The following CDK14 variants were observed in gnomAD, a reference collection of about 807,000 sequenced individuals.
CDK14 encodes cyclin-dependent kinase 14.
In CDK14, 34 loss-of-function variants were observed where a neutral mutation model predicts 60.7. The observed-to-expected ratio is 0.56, with a 90% CI of 0.43 to 0.75. The LOEUF (loss-of-function observed/expected upper bound fraction) is 0.75, where lower values mean the gene tolerates loss of function less well. Ranked by LOEUF, CDK14 falls within the 30% of genes least tolerant of loss-of-function variation. The pLI, the probability that CDK14 is intolerant of heterozygous loss-of-function variation, is 0.00. For missense variants in CDK14, 482 were observed against 564.1 expected (o/e 0.85, Z 1.47); for synonymous variants, 197 against 203.7 (o/e 0.97, Z 0.28).
At chr7:90,808,566 CA>C (rs1157659045) in intron 5 of CDK14, among the ~76,000 whole-genome samples, 8 of 152,216 alleles carry the variant, frequency 5.3e-5, no homozygotes, top group Admixed American at 1.3e-4. Flanking sequence ...AACTAACGAG[CA>C]AAATAACCAG....
intron 2 of CDK14, among the ~76,000 whole-genome samples, chr7:90,697,391 T>G (rs1801682043): frequency 6.6e-6 from 1 of 152,186 alleles, no homozygotes; most frequent in Admixed American, 6.5e-5. Flanking sequence ...AGATGGGGTC[T>G]TGCTGTGTTG....
In CDK14 at chr7:90,808,246, A is replaced by T. The variant is rs935317480; in HGVS notation, c.544+17594A>T. Among the ~76,000 whole-genome samples, 4 of 152,258 alleles carry T rather than the reference A, an allele frequency of 2.6e-5. No individual in the cohort carries two copies. The East Asian group carries it at 5.8e-4, about 22-fold the overall frequency. On this transcript the variant is annotated intron_variant, in intron 5 of 14. Transcript: ENST00000380050. ...TTGGGTTACCCACAAAGGGAAGCCCATCAGACTAACAGTGGATCTCTTGGC... is the reference window on the plus strand; with the variant it reads ...TTGGGTTACCCACAAAGGGAAGCCCTTCAGACTAACAGTGGATCTCTTGGC...
At chr7:90,917,790 C>T (rs928189479) in intron 8 of CDK14, 66 bp downstream of exon 8, 14 of 1,527,134 alleles carry the variant, frequency 9.2e-6, no homozygotes, top group Non-Finnish European at 9.9e-6. Context: ...GATGGTGGCA[C>T]TGCATTTGTT....
intron 2 of CDK14, among the ~76,000 whole-genome samples, chr7:90,638,430 T>G (rs1445002792): frequency 6.6e-6 from 1 of 152,108 alleles, no homozygotes. Flanking sequence ...GTTGAAAATT[T>G]TTTTCTTTAA....
chr7:90,824,222 T>C (rs546186895), intron 5 of CDK14, among the ~76,000 whole-genome samples: 1 of 149,128 alleles, frequency 6.7e-6, no homozygotes, highest in Non-Finnish European at 1.5e-5. Context: ...TTTACATGTG[T>C]TATATCCTCT....
At chr7:91,012,440 T>C (rs1428449363) in intron 10 of CDK14, among the ~76,000 whole-genome samples, 1 of 152,196 alleles carries the variant, frequency 6.6e-6, no homozygotes, top group Non-Finnish European at 1.5e-5. Flanking sequence ...TTCTCCTCTT[T>C]GATCCTCTGC....
intron 14 of CDK14, among the ~76,000 whole-genome samples, chr7:91,205,924 C>G (rs567816243): frequency 7.9e-5 from 12 of 152,082 alleles, no homozygotes; most frequent in African/African-American, 2.4e-4. Flanking sequence ...GCCTCCTAAG[C>G]AGCTGGGACT....
chr7:91,130,349 CACAT>C (rs1472557392), intron 14 of CDK14, among the ~76,000 whole-genome samples: 1 of 152,074 alleles, frequency 6.6e-6, no homozygotes, highest in East Asian at 1.9e-4. Context: ...AATGAGTTCT[CACAT>C]AAATATTTTT....
At chr7:90,655,953 T>G (rs1202802913) in intron 2 of CDK14, among the ~76,000 whole-genome samples, 1 of 152,174 alleles carries the variant, frequency 6.6e-6, no homozygotes, top group Non-Finnish European at 1.5e-5. Flanking sequence ...GAAAATCACT[T>G]GAACTTTTTT....
intron 14 of CDK14, among the ~76,000 whole-genome samples, chr7:91,192,821 A>G (rs375253595): frequency 1.3e-5 from 2 of 152,308 alleles, no homozygotes; most frequent in African/African-American, 2.4e-5. Flanking sequence ...TGTATTTAGG[A>G]AAGAAAATCT....
chr7:90,846,728 G>A (rs952672903), intron 5 of CDK14, among the ~76,000 whole-genome samples: 2 of 152,092 alleles, frequency 1.3e-5, no homozygotes, highest in Non-Finnish European at 2.9e-5. Flanking sequence ...CTGGTTGTGG[G>A]CCCATCACTT....
intron 4 of CDK14, among the ~76,000 whole-genome samples, chr7:90,782,800 G>A (rs186838012): frequency 9.2e-5 from 14 of 152,244 alleles, no homozygotes; most frequent in Admixed American, 7.2e-4. Flanking sequence ...CTCACAGGAA[G>A]CATTTTTGTC....
At chr7:91,090,825 C>T (rs546084588) in intron 12 of CDK14, among the ~76,000 whole-genome samples, 146 of 152,140 alleles carry the variant, frequency 9.6e-4, no homozygotes, top group African/African-American at 3.3e-3. Context: ...CATGGCATTT[C>T]GGCAGCACTG....
At chr7:90,825,356 C>T (rs1054309668) in intron 5 of CDK14, among the ~76,000 whole-genome samples, 4 of 152,100 alleles carry the variant, frequency 2.6e-5, no homozygotes, top group Admixed American at 1.3e-4. Context: ...GTAAAGGGCC[C>T]TGTAGGACCC....
chr7:90,612,546 T>G (rs1584740996), intron 2 of CDK14, among the ~76,000 whole-genome samples: 1 of 152,088 alleles, frequency 6.6e-6, no homozygotes, highest in East Asian at 1.9e-4. Flanking sequence ...TCGAGGCAGG[T>G]GGATCACTTG....
At chr7:90,626,836 AG>A (rs1701455204) in intron 2 of CDK14, among the ~76,000 whole-genome samples, 1 of 151,616 alleles carries the variant, frequency 6.6e-6, no homozygotes, top group Admixed American at 6.6e-5. Flanking sequence ...GCTGCTCCAC[AG>A]GTTGAGGTGG....
chr7:91,022,253 C>CT (rs1796451685), intron 10 of CDK14, among the ~76,000 whole-genome samples: 1 of 152,202 alleles, frequency 6.6e-6, no homozygotes, highest in African/African-American at 2.4e-5. Flanking sequence ...AATTCATACT[C>CT]TGTGTCTTTA....
rs145281350 is a variant in CDK14, at chr7:90,660,593, C to T, written c.123+56344C>T. On this transcript the variant is annotated intron_variant, in intron 2 of 14. Transcript: ENST00000380050. ...GAGAATTTCTGGTGTCAAAATGTGA[C>T]GAACTAACAGATAAAATAATGTGTA... 1.8e-3 allele frequency among the ~76,000 whole-genome samples: 272 copies of T among 152,196 alleles called. 4 individuals carry two copies. The highest frequency in any genetic ancestry group is 0.014 in the South Asian group (66 of 4,818).
intron 14 of CDK14, among the ~76,000 whole-genome samples, chr7:91,203,891 A>T (rs1161050253): frequency 6.6e-6 from 1 of 152,218 alleles, no homozygotes; most frequent in African/African-American, 2.4e-5. Flanking sequence ...TGCCTAGATC[A>T]GAATGCATAG....
Sources: gnomAD v4.1 joint callset for allele counts (sites outside exome capture counted in the v4.1 genomes callset) on GRCh38, gnomAD v4.1.1 for gene constraint, MANE v1.5 for transcripts, NCBI Gene and HGNC (gene_info 2026-07-23, HGNC 2026-07-21) for gene names.